The following DNAH10 variants were observed in gnomAD, a reference collection of about 807,000 sequenced individuals.
DNAH10 encodes the protein dynein axonemal heavy chain 10.
Under a neutral mutation model 506.6 loss-of-function variants are expected in DNAH10, and 348 were observed. That is an observed-to-expected ratio of 0.69 (90% confidence interval 0.63 to 0.75). DNAH10 has a LOEUF of 0.75. Among genes scored for constraint, DNAH10 ranks in the 30% least tolerant of loss-of-function variants. The pLI is 0.00. For synonymous variants in DNAH10, 2,059 were observed against 2,198.6 expected, an observed-to-expected ratio of 0.94 and a Z score of 1.78; for missense variants, 5,179 against 5,787.1, an observed-to-expected ratio of 0.89 and a Z score of 3.41.
At position 123,774,233 on chromosome 12, in the gene DNAH10, T is replaced by C; in HGVS notation, c.590T>C (p.Val197Ala). ...GAGTATGGAATTATAAACGCTAATG[T>C]GCTCCATTTTCTGAAGAATATTATA... Reference protein sequence around the residue: ...TLEYGIINANVLHFLKNIICQ... With the variant: ...TLEYGIINANALHFLKNIICQ... Residue 197 changes from valine to alanine, a missense_variant, in exon 5 of 79, where the codon GTG becomes GCG. Physicochemically the swap from Val to Ala is moderately conservative, Grantham distance 64. Coordinates refer to ENST00000673944, the MANE Select transcript of DNAH10 (RefSeq NM_001372106.1). 6.2e-7 allele frequency: 1 copy of C among 1,606,048 alleles called. No homozygotes were observed. Among genetic ancestry groups the C allele is most frequent in the Non-Finnish European group, 8.5e-7 (1 of 1,177,654 alleles).
At position 123,833,334 on chromosome 12, in the gene DNAH10, G is replaced by A; in HGVS notation, c.4766G>A (p.Gly1589Glu). 6.2e-7 allele frequency: 1 copy of A among 1,611,152 alleles called. No homozygotes were observed. Among genetic ancestry groups the A allele is most frequent in the South Asian group, 1.1e-5 (1 of 90,302 alleles). ...TGGGAAAAAACGCTTTCTCTAATAG[G>A]GGAAGTCATTGAGGTGAGAGAAAAG... is the stretch of plus-strand genomic sequence containing the variant. The part of the protein sequence containing the change: ...HKWEKTLSLI[G>E]EVIEIWMLVQ... Residue 1589 changes from glycine to glutamate, a missense_variant, in exon 27 of 79, where the codon GGG becomes GAG. Physicochemically the swap from Gly to Glu is moderately conservative, Grantham distance 98. Around this residue, in one of 3 missense-constraint regions of DNAH10, gnomAD observed 4,844 missense variants for 5,430.5 expected, o/e 0.89. Coordinates refer to ENST00000673944, the MANE Select transcript of DNAH10 (RefSeq NM_001372106.1).
intron 28 of DNAH10, among the ~76,000 whole-genome samples, chr12:123,837,530 C>A (rs2136571554): frequency 6.6e-6 from 1 of 151,452 alleles, no homozygotes; most frequent in Admixed American, 6.6e-5. Flanking sequence ...CCTGCATAAA[C>A]ATACAAATAG....
intron 10 of DNAH10, among the ~76,000 whole-genome samples, 175 bp downstream of exon 10, chr12:123,788,177 C>T (rs1416763320): frequency 1.3e-5 from 2 of 152,218 alleles, no homozygotes; most frequent in Non-Finnish European, 2.9e-5. Flanking sequence ...GACCAGAGTA[C>T]ACCAGAGCTT....
rs529772359 is a variant in DNAH10, at chr12:123,874,256, AGTCC to A, written c.7938+555_7938+558del. On this transcript the variant is annotated intron_variant, in intron 46 of 78. Coordinates refer to ENST00000673944, the MANE Select transcript of DNAH10 (RefSeq NM_001372106.1). The stretch of plus-strand genomic sequence containing the variant: ...CCAGAAGGACTGTATGCAAAGCCAG[AGTCC>A]GTCCGTCCATCCATCCATCCATCCA... 6.7e-3 allele frequency among the ~76,000 whole-genome samples: 906 copies of A among 135,186 alleles called. 9 individuals are homozygous for A. Among genetic ancestry groups the A allele is most frequent in the African/African-American group, 0.023 (852 of 37,404 alleles). 88.7% of individuals were successfully genotyped at this position (135,186 alleles called of 152,430 possible). A position where few individuals can be genotyped will look rare whatever the true frequency, so the allele number is the denominator to read the frequency against.
chr12:123,905,768 TG>T (rs764743901), intron 57 of DNAH10, among the ~76,000 whole-genome samples: 2 of 152,160 alleles, frequency 1.3e-5, no homozygotes, highest in Non-Finnish European at 2.9e-5. Context: ...TTTTATATAA[TG>T]GGGAGCTCAG....
chr12:123,824,087 T>C (rs960918329), intron 24 of DNAH10, among the ~76,000 whole-genome samples: 4 of 152,162 alleles, frequency 2.6e-5, no homozygotes, highest in Non-Finnish European at 4.4e-5. Context: ...CAGGGGACTG[T>C]CATCATAATC....
rs1310015165 is a variant in DNAH10 at position 123,917,759 on chromosome 12, G to A, written c.11178G>A (p.Leu3726=). The change falls in exon 64 of 79, where the codon CTG becomes CTA. Residue 3726 remains leucine (L), a synonymous_variant. Coordinates refer to ENST00000673944, the MANE Select transcript of DNAH10 (RefSeq NM_001372106.1). The surrounding 1 kb of genome is among the most constrained non-coding windows in gnomAD (Gnocchi z 5.6). Reference sequence around the variant, plus strand: ...TGGCCACGTCCACGGGGAACATGCTGGACAATGTGGACCTGGTGCACACCC... The same window carrying A: ...TGGCCACGTCCACGGGGAACATGCTAGACAATGTGGACCTGGTGCACACCC... The part of the protein sequence containing the change: ...RELATSTGNM[L]DNVDLVHTLE... The A allele has an allele frequency of 1.0e-5, 16 of 1,575,792 alleles. No individual in the cohort carries two copies. Among genetic ancestry groups the A allele is most frequent in the East Asian group, 2.3e-5 (1 of 42,654 alleles).
chr12:123,768,778 C>T (rs139282831), intron 2 of DNAH10, among the ~76,000 whole-genome samples: 78 of 152,304 alleles, frequency 5.1e-4, no homozygotes, highest in African/African-American at 1.9e-3. Flanking sequence ...GGACCTCACT[C>T]TGTTGCCCAG....
chr12:123,919,096 G>A lies in DNAH10; in HGVS notation c.11506+147G>A. ...TTCTTTCTTTTTCTTTTTTTTTTGA[G>A]ATAGGGTCTTGCTCCATCACCCAGG... is the stretch of plus-strand genomic sequence containing the variant. On this transcript the variant is annotated intron_variant, in intron 65 of 78. Coordinates refer to ENST00000673944, the MANE Select transcript of DNAH10 (RefSeq NM_001372106.1). The surrounding 1 kb of genome is among the most constrained non-coding windows in gnomAD (Gnocchi z 4.9). 9.3e-7 allele frequency: 1 copy of A among 1,070,344 alleles called. No individual in the cohort carries two copies. Among genetic ancestry groups the A allele is most frequent in the Non-Finnish European group, 1.3e-6 (1 of 776,946 alleles). 66.3% of individuals were successfully genotyped at this position (1,070,344 alleles called of 1,614,324 possible).
intron 18 of DNAH10, among the ~76,000 whole-genome samples, chr12:123,805,846 GGCTCACTGCAAGCTCC>G (rs1958653988): frequency 6.7e-6 from 1 of 148,848 alleles, no homozygotes; most frequent in Non-Finnish European, 1.5e-5. Context: ...GCATGATCTC[GGCTCACTGCAAGCTCC>G]GCCTCCCGGG....
In DNAH10 at chr12:123,904,648, A is replaced by G. The variant is rs996006619; in HGVS notation, c.9815+1535A>G. Among the ~76,000 whole-genome samples, 7 of 152,358 alleles carry G rather than the reference A, an allele frequency of 4.6e-5. No individual in the cohort carries two copies. In the South Asian group the frequency reaches 1.5e-3, roughly 32 times the overall value. On this transcript the variant is annotated intron_variant, in intron 57 of 78. Transcript: ENST00000673944. Reference sequence around the variant, plus strand: ...TAAGTACAAAAGGAATAATTTTTACACATTCATACATGGCTCTGCCTCTTT... The same window carrying G: ...TAAGTACAAAAGGAATAATTTTTACGCATTCATACATGGCTCTGCCTCTTT...
chr12:123,932,270 CTT>C (rs1444989846), intron 76 of DNAH10, among the ~76,000 whole-genome samples, 162 bp downstream of exon 76: 2 of 152,150 alleles, frequency 1.3e-5, no homozygotes, highest in African/African-American at 4.8e-5. Context: ...CTATCTGTAT[CTT>C]TTGTTTTTCC....
At chr12:123,876,464 C>A (rs1225179873) in intron 47 of DNAH10, among the ~76,000 whole-genome samples, 1 of 151,886 alleles carries the variant, frequency 6.6e-6, no homozygotes, top group Non-Finnish European at 1.5e-5. Context: ...AAAACCTCAT[C>A]TCTACTAAAA....
Position 123,924,545 on chromosome 12 carries a change from G to T in DNAH10, c.11766+113G>T, listed in dbSNP as rs1954856089. The T allele has an allele frequency of 3.8e-6, 5 of 1,307,928 alleles. No individual in the cohort carries two copies. In the South Asian group the frequency reaches 6.4e-5, roughly 17 times the overall value. The allele number at this position is 1,307,928 out of a possible 1,614,324, so 81.0% of individuals were successfully genotyped here. Reference sequence around the variant, plus strand: ...GACACTCCTTTGAGTAACCCATTCAGTGTGTAACTGATGCCCTGTAACTCC... The same window carrying T: ...GACACTCCTTTGAGTAACCCATTCATTGTGTAACTGATGCCCTGTAACTCC... On this transcript the variant is annotated intron_variant, in intron 67 of 78. Transcript: ENST00000673944.
Position 123,805,254 on chromosome 12 carries a change from A to G in DNAH10, c.2987+214A>G, listed in dbSNP as rs79625982. ...CAAAAAAGAAAGGATCCCTCTCCCC[A>G]CTTCAACTGTCTGAAAGCCATCGTG... On this transcript the variant is annotated intron_variant, in intron 18 of 78. Coordinates refer to ENST00000673944, the MANE Select transcript of DNAH10 (RefSeq NM_001372106.1). 8.5e-3 allele frequency among the ~76,000 whole-genome samples: 1,290 copies of G among 152,210 alleles called. 45 individuals are homozygous for G. The East Asian group carries it at 0.1, about 12-fold the overall frequency.
chr12:123,780,792 T>C (rs1173537595), intron 5 of DNAH10, among the ~76,000 whole-genome samples: 1 of 151,198 alleles, frequency 6.6e-6, no homozygotes, highest in Non-Finnish European at 1.5e-5. Flanking sequence ...CTACTAAAAA[T>C]ACAAAAATTA....
Position 123,803,686 on chromosome 12 carries a change from C to G in DNAH10, c.2640C>G (p.Cys880Trp). ...SLGIGDYITG[C>W]KQAIGKFESL... Reference sequence around the variant, plus strand: ...GTATCGGTGACTATATAACTGGTTGCAAACAGGCCATTGGGAAATTTGAGT... The same window carrying G: ...GTATCGGTGACTATATAACTGGTTGGAAACAGGCCATTGGGAAATTTGAGT... The change falls in exon 17 of 79, where the codon TGC becomes TGG. Residue 880 changes from cysteine to tryptophan, a missense_variant. This residue lies in a region of DNAH10 where 4,844 missense variants were observed against 5,430.5 expected (regional missense o/e 0.89). Coordinates refer to ENST00000673944, the MANE Select transcript of DNAH10 (RefSeq NM_001372106.1). The G allele has an allele frequency of 2.5e-6, 4 of 1,604,124 alleles. No individual in the cohort carries two copies. The highest frequency in any genetic ancestry group is 3.4e-6 in the Non-Finnish European group (4 of 1,177,632).
chr12:123,784,330 T>G (rs1346331267), intron 8 of DNAH10, among the ~76,000 whole-genome samples, 153 bp downstream of exon 8: 1 of 152,202 alleles, frequency 6.6e-6, no homozygotes, highest in Non-Finnish European at 1.5e-5. Flanking sequence ...GCAGATCGCT[T>G]GAGCTCAGGA....
At chr12:123,885,488 G>T (rs1229181015) in intron 51 of DNAH10, among the ~76,000 whole-genome samples, 2 of 151,828 alleles carry the variant, frequency 1.3e-5, no homozygotes, top group African/African-American at 4.8e-5. Context: ...TTCCCTATAG[G>T]ATCACTTTCT....
Sources: gnomAD v4.1 joint callset for allele counts (sites outside exome capture counted in the v4.1 genomes callset) on GRCh38, gnomAD v4.1.1 for gene constraint, gnomAD v4.1.1 regional missense constraint, Gnocchi (gnomAD v3.1) non-coding constraint, MANE v1.5 for transcripts, NCBI Gene and HGNC (gene_info 2026-07-23, HGNC 2026-07-21) for gene names.